BZW1: variants seen among roughly 807,000 people sequenced by gnomAD.
BZW1 encodes the protein basic leucine zipper and W2 domains 1.
BZW1 carries 3 observed loss-of-function variants against 54.1 expected under a neutral mutation model. That is an observed-to-expected ratio of 0.06 (90% CI 0.03 to 0.14). The LOEUF (loss-of-function observed/expected upper bound fraction) is 0.14. Among genes scored for constraint, BZW1 ranks in the 10% least tolerant of loss-of-function variants. The pLI, the probability that BZW1 is intolerant of heterozygous loss-of-function variation, is 1.00. For missense variants in BZW1, 206 were observed against 491.7 expected, an observed-to-expected ratio of 0.42 and a Z score of 5.50; for synonymous variants, 152 against 162.7, an observed-to-expected ratio of 0.93 and a Z score of 0.50.
At chr2:200,820,207 TC>T in intron 10 of BZW1, 87 bp downstream of exon 10, 2 of 1,195,866 alleles carry the variant, frequency 1.7e-6, no homozygotes, top group Non-Finnish European at 2.3e-6. Flanking sequence ...TATCTGGACA[TC>T]AGCTCCCTGA....
intron 6 of BZW1, 40 bp downstream of exon 6, chr2:200,817,281 T>G (rs892361989): frequency 1.9e-6 from 3 of 1,602,392 alleles, no homozygotes; most frequent in Middle Eastern, 1.7e-4. Flanking sequence ...TGACTCAGAG[T>G]GGGGTGGATA....
intron 10 of BZW1, among the ~76,000 whole-genome samples, chr2:200,820,879 C>T (rs1428858227): frequency 1.9e-4 from 29 of 152,170 alleles, no homozygotes; most frequent in Admixed American, 1.9e-3. Context: ...TATATTGTTC[C>T]CTTTTCTCCT....
intron 5 of BZW1, among the ~76,000 whole-genome samples, chr2:200,816,647 A>G (rs1055345046): frequency 6.6e-6 from 1 of 152,146 alleles, no homozygotes; most frequent in Non-Finnish European, 1.5e-5. Flanking sequence ...ATGTGCCACC[A>G]TGCCCAGCTA....
At position 200,819,964 on chromosome 2, in the gene BZW1, T is replaced by C. The variant is rs1313691968; in HGVS notation, c.967-18T>C. ...ATTTGTAATGAATGACTAAATCTTT[T>C]CTCTGTTCCTTTAAAAGCAATACAG... On this transcript the variant is annotated intron_variant, in intron 9 of 11. Transcript: ENST00000409600. The C allele has an allele frequency of 1.3e-5, 19 of 1,482,060 alleles. No homozygotes were observed. In the East Asian group the frequency reaches 4.8e-4, roughly 37 times the overall value. 91.8% of individuals were successfully genotyped at this position (1,482,060 alleles called of 1,614,324 possible). A position where few individuals can be genotyped will look rare whatever the true frequency, so the allele number is the denominator to read the frequency against.
At chr2:200,820,245 C>G in intron 10 of BZW1, 125 bp downstream of exon 10, 2 of 870,178 alleles carry the variant, frequency 2.3e-6, no homozygotes. Context: ...TTATGAGTCA[C>G]CTCTGATTAA....
chr2:200,825,958 T>G lies in BZW1; in HGVS notation c.*3780T>G, dbSNP rs911080993. 5 of 152,236 alleles carry G rather than the reference T, an allele frequency of 3.3e-5. No individual in the cohort carries two copies. Among genetic ancestry groups the G allele is most frequent in the African/African-American group, 1.2e-4 (5 of 41,462 alleles). The allele number at this position is 152,236 out of a possible 1,614,324, so 9.4% of individuals were successfully genotyped here. On this transcript the variant is annotated 3_prime_UTR_variant, in exon 12 of 12. Transcript: ENST00000409600. ...TCTGGTAAATTGCCTTGCTATGATTTTTCATGCTCAGTATTAGTCCTCTAG... is the reference window on the plus strand; with the variant it reads ...TCTGGTAAATTGCCTTGCTATGATTGTTCATGCTCAGTATTAGTCCTCTAG...
chr2:200,817,000 T>C (rs1489831461), intron 5 of BZW1, 106 bp from the exon 6 acceptor site: 1 of 1,348,006 alleles, frequency 7.4e-7, no homozygotes, highest in Non-Finnish European at 1.0e-6. Context: ...GATGGTTAGA[T>C]CCCAGAGCCC....
In BZW1 at chr2:200,823,451, T is replaced by A. The variant is rs2038596597; in HGVS notation, c.*1273T>A. On this transcript the variant is annotated 3_prime_UTR_variant, in exon 12 of 12. Transcript: ENST00000409600. ...GGGGGGAAAATGTAGCCACATTTTT[T>A]ATGGGAAGACTTTGTGTTAAAAGTG... is the stretch of plus-strand genomic sequence containing the variant. 2.0e-5 allele frequency: 3 copies of A among 150,136 alleles called. No individual in the cohort carries two copies. The highest frequency in any genetic ancestry group is 4.5e-5 in the Non-Finnish European group (3 of 67,144). The allele number at this position is 150,136 out of a possible 1,614,324, so 9.3% of individuals were successfully genotyped here.
At chr2:200,812,510 C>G in intron 1 of BZW1, 1 of 1,380,880 alleles carries the variant, frequency 7.2e-7, no homozygotes, top group Non-Finnish European at 9.4e-7. Context: ...GGAGAAAGAG[C>G]CGCGGGACCC....
intron 10 of BZW1, among the ~76,000 whole-genome samples, chr2:200,820,589 G>A (rs535783789): frequency 1.3e-5 from 2 of 152,304 alleles, no homozygotes; most frequent in South Asian, 4.1e-4. Context: ...GGCTGAGGTA[G>A]GAGGATCACT....
At chr2:200,819,149 T>C (rs1043441325) in intron 9 of BZW1, 1 of 431,902 alleles carries the variant, frequency 2.3e-6, no homozygotes, top group South Asian at 3.0e-5. Flanking sequence ...CCCAGCACTT[T>C]GGGAGGCAAG....
At chr2:200,816,451 A>T in intron 5 of BZW1, 61 bp downstream of exon 5, 1 of 1,238,400 alleles carries the variant, frequency 8.1e-7, no homozygotes, top group Non-Finnish European at 1.1e-6. Context: ...AGGAATGTTA[A>T]ATCCTAATTC....
intron 2 of BZW1, among the ~76,000 whole-genome samples, chr2:200,814,330 T>C (rs2038210679): frequency 6.6e-6 from 1 of 152,166 alleles, no homozygotes; most frequent in South Asian, 2.1e-4. Flanking sequence ...TGGCTGTTGA[T>C]GGTTAGGGTA....
At chr2:200,817,890 A>T (rs951715793) in intron 6 of BZW1, 84 bp from the exon 7 acceptor site, 2 of 928,664 alleles carry the variant, frequency 2.2e-6, no homozygotes, top group African/African-American at 1.7e-5. Context: ...CATGTGATTG[A>T]ACTATGAAGG....
intron 11 of BZW1, among the ~76,000 whole-genome samples, chr2:200,821,571 A>G (rs575941285): frequency 1.4e-3 from 215 of 150,678 alleles, no homozygotes; most frequent in African/African-American, 5.0e-3. Flanking sequence ...TTTTTTTTTA[A>G]TTAAAAATAT....
chr2:200,813,856 A>G (rs1047403784), intron 2 of BZW1, among the ~76,000 whole-genome samples: 9 of 152,354 alleles, frequency 5.9e-5, no homozygotes, highest in Admixed American at 3.3e-4. Context: ...ATAAAGCTAA[A>G]TAAGACGTAG....
chr2:200,812,121 C>T, intron 1 of BZW1, 131 bp downstream of exon 1: 1 of 857,884 alleles, frequency 1.2e-6, no homozygotes, highest in Non-Finnish European at 1.5e-6. Flanking sequence ...CTCTTGAGGC[C>T]GGGCCGGATC....
In BZW1 at chr2:200,826,442, T is replaced by TG. The variant is rs2038704401; in HGVS notation, c.*4265dup. ...TTTTTTTTTTTTTTTTTTTTTTTTT[T>TG]GAGACAGAGTCTCGCTCTGTCGCCC... On this transcript the variant is annotated 3_prime_UTR_variant, in exon 12 of 12. Coordinates refer to ENST00000409600, the MANE Select transcript of BZW1 (RefSeq NM_001207067.2). The TG allele has an allele frequency of 8.2e-6, 1 of 121,482 alleles. No homozygotes were observed. Among genetic ancestry groups the TG allele is most frequent in the Non-Finnish European group, 1.7e-5 (1 of 60,192 alleles). The allele number at this position is 121,482 out of a possible 1,614,324, so 7.5% of individuals were successfully genotyped here.
intron 2 of BZW1, chr2:200,813,537 T>A (rs183240781): frequency 1.4e-4 from 41 of 287,454 alleles, no homozygotes; most frequent in African/African-American, 8.8e-4. Context: ...GTAAAATATT[T>A]TTAAAAATAA....
Sources: allele counts gnomAD v4.1 joint callset (sites outside exome capture counted in the v4.1 genomes callset), GRCh38; gene constraint gnomAD v4.1.1; transcripts MANE v1.5; gene names NCBI Gene and HGNC (gene_info 2026-07-23, HGNC 2026-07-21).